The following TMEFF2 variants were observed in gnomAD, a reference collection of about 807,000 sequenced individuals.
TMEFF2 encodes transmembrane protein with EGF like and two follistatin like domains 2.
A neutral mutation model predicts 53.8 loss-of-function variants in TMEFF2; 28 were observed. That is an observed-to-expected ratio of 0.52 (90% CI 0.39 to 0.71). TMEFF2 has a LOEUF of 0.71. Ranked by LOEUF, TMEFF2 falls within the 30% of genes least tolerant of loss-of-function variation. The pLI, the probability that TMEFF2 is intolerant of heterozygous loss-of-function variation, is 0.00. For synonymous variants in TMEFF2, 162 were observed against 166.3 expected, an observed-to-expected ratio of 0.97 and a Z score of 0.20; for missense variants, 353 against 455.2, an observed-to-expected ratio of 0.78 and a Z score of 2.04.
Position 192,077,500 on chromosome 2 carries a change from A to C in TMEFF2, c.440-19725T>G, listed in dbSNP as rs921739955. 1.9e-4 allele frequency among the ~76,000 whole-genome samples: 29 copies of C among 152,180 alleles called. No individual in the cohort carries two copies. The East Asian group carries it at 2.3e-3, about 12-fold the overall frequency. Reference sequence around the variant, plus strand: ...GCCAATTTATTTTTTTTCTTCCTCAAACTTTTAGGTGATCTATTATAATGA... The same window carrying C: ...GCCAATTTATTTTTTTTCTTCCTCACACTTTTAGGTGATCTATTATAATGA... On this transcript the variant is annotated intron_variant, in intron 4 of 9. Transcript: ENST00000272771.
At chr2:192,121,029 C>G (rs1332058438) in intron 4 of TMEFF2, among the ~76,000 whole-genome samples, 1 of 152,068 alleles carries the variant, frequency 6.6e-6, no homozygotes, top group Non-Finnish European at 1.5e-5. Context: ...CCACCACACC[C>G]AGCCTGAACA....
chr2:192,017,729 C>G (rs151120812), intron 5 of TMEFF2, among the ~76,000 whole-genome samples: 6 of 152,156 alleles, frequency 3.9e-5, no homozygotes, highest in Non-Finnish European at 8.8e-5. Context: ...CAGTCTGATA[C>G]GTTCAAATTT....
rs372412462 is a variant in TMEFF2 at position 192,194,477 on chromosome 2, G to A, written c.48C>T (p.Cys16=). 6 of 1,613,964 alleles carry A rather than the reference G, an allele frequency of 3.7e-6. No individual in the cohort carries two copies. The African/African-American group carries it at 6.7e-5, about 18-fold the overall frequency. Reference sequence around the variant, plus strand: ...GCAGCAGCAGCCAGCAAAAGCCCTCGCAAAGTGTCCAGCTGCTGCACTGCC... The same window carrying A: ...GCAGCAGCAGCCAGCAAAAGCCCTCACAAAGTGTCCAGCTGCTGCACTGCC... ...SPRQCSSWTL[C]EGFCWLLLLP... The change falls in exon 1 of 10, where the codon TGC becomes TGT. Residue 16 remains cysteine (C), a synonymous_variant. Transcript: ENST00000272771. This position sits in a 1 kb window ranked among gnomAD's most constrained non-coding sequence, Gnocchi z 4.2.
intron 4 of TMEFF2, among the ~76,000 whole-genome samples, chr2:192,120,605 C>T (rs986763825): frequency 1.3e-5 from 2 of 152,104 alleles, no homozygotes; most frequent in African/African-American, 4.8e-5. Context: ...AAATTGATAA[C>T]GCCAATAAAA....
At chr2:191,969,711 G>T (rs991179353) in intron 7 of TMEFF2, among the ~76,000 whole-genome samples, 17 of 151,588 alleles carry the variant, frequency 1.1e-4, no homozygotes, top group African/African-American at 3.2e-4. Context: ...CTGGAGTACT[G>T]CCATTTGACA....
chr2:192,095,129 G>C (rs1322613950), intron 4 of TMEFF2, among the ~76,000 whole-genome samples: 2 of 152,042 alleles, frequency 1.3e-5, no homozygotes, highest in Non-Finnish European at 2.9e-5. Flanking sequence ...GTGGTTCTTA[G>C]TTATCCACAG....
At chr2:192,103,074 G>C (rs922512075) in intron 4 of TMEFF2, among the ~76,000 whole-genome samples, 3 of 152,042 alleles carry the variant, frequency 2.0e-5, no homozygotes, top group Non-Finnish European at 4.4e-5. Flanking sequence ...ACTTGGAGCT[G>C]GCTGCCCAGA....
chr2:192,036,519 T>C (rs776441794), intron 5 of TMEFF2, among the ~76,000 whole-genome samples: 3 of 152,202 alleles, frequency 2.0e-5, no homozygotes, highest in Non-Finnish European at 4.4e-5. Flanking sequence ...AGAGTGATGA[T>C]TGAATCATAT....
intron 4 of TMEFF2, among the ~76,000 whole-genome samples, chr2:192,104,227 A>T (rs1414334381): frequency 6.6e-6 from 1 of 152,142 alleles, no homozygotes; most frequent in Non-Finnish European, 1.5e-5. Context: ...TTGCTGACAG[A>T]AGTAGCGTTT....
intron 4 of TMEFF2, among the ~76,000 whole-genome samples, chr2:192,175,433 G>T (rs906188045): frequency 2.0e-5 from 3 of 151,326 alleles, no homozygotes; most frequent in Admixed American, 2.0e-4. Context: ...AATTTGTACT[G>T]GAATTTTTTC....
At chr2:192,156,262 A>G (rs911613255) in intron 4 of TMEFF2, among the ~76,000 whole-genome samples, 1 of 152,080 alleles carries the variant, frequency 6.6e-6, no homozygotes, top group African/African-American at 2.4e-5. Flanking sequence ...ACAACAGGTA[A>G]CATTTCATGA....
At chr2:192,183,101 C>T (rs988374081) in intron 3 of TMEFF2, among the ~76,000 whole-genome samples, 1 of 151,958 alleles carries the variant, frequency 6.6e-6, no homozygotes, top group Non-Finnish European at 1.5e-5. Context: ...TCCTGACCAC[C>T]CTTTCATGAA....
rs183672429 is a variant in TMEFF2, at chr2:192,053,166, A to G, written c.536+4513T>C. ...AATAAAAGCATTAAAATGTTATGTCATTAGTATCATAGTTTGTCAATGCCA... is the reference window on the plus strand; with the variant it reads ...AATAAAAGCATTAAAATGTTATGTCGTTAGTATCATAGTTTGTCAATGCCA... On this transcript the variant is annotated intron_variant, in intron 5 of 9. Transcript: ENST00000272771. Among the ~76,000 whole-genome samples the G allele has an allele frequency of 1.9e-4, 29 of 152,314 alleles. No homozygotes were observed. The East Asian group carries it at 4.6e-3, about 24-fold the overall frequency.
chr2:192,064,871 C>T (rs1367459246), intron 4 of TMEFF2, among the ~76,000 whole-genome samples: 2 of 151,834 alleles, frequency 1.3e-5, no homozygotes, highest in Non-Finnish European at 2.9e-5. Context: ...TAGAGCACAG[C>T]CACAGTTGAC....
At chr2:192,069,772 A>T (rs1015585020) in intron 4 of TMEFF2, among the ~76,000 whole-genome samples, 3 of 151,816 alleles carry the variant, frequency 2.0e-5, no homozygotes, top group East Asian at 3.9e-4. Context: ...ATAAATTTTT[A>T]AAAATTAACA....
chr2:192,003,458 C>T (rs1227447628), intron 5 of TMEFF2, among the ~76,000 whole-genome samples: 2 of 152,196 alleles, frequency 1.3e-5, no homozygotes, highest in Non-Finnish European at 2.9e-5. Context: ...TATGTCTACT[C>T]TTGGAATATG....
Position 191,953,837 on chromosome 2 carries a change from C to G in TMEFF2, c.870G>C (p.Arg290Ser). The change falls in exon 9 of 10, where the codon AGG (arginine) becomes AGC (serine). Residue 290 changes from arginine (R) to serine (S), a missense_variant and splice_region_variant. Arg to Ser is a moderately radical substitution (Grantham distance 110, BLOSUM62 -1). This residue lies in a region of TMEFF2 where 294 missense variants were observed against 397.3 expected (regional missense o/e 0.74). Transcript: ENST00000272771. The stretch of plus-strand genomic sequence containing the variant: ...GTTGTCCAGTATAACCAGCATCACA[C>G]CTGGAAGAAATTATAGTGCCCAGTT... Reference protein sequence around the residue: ...HSINMQEPSCRCDAGYTGQHC... With the variant: ...HSINMQEPSCSCDAGYTGQHC... 2 of 1,599,016 alleles carry G rather than the reference C, an allele frequency of 1.3e-6. No individual in the cohort carries two copies. Among genetic ancestry groups the G allele is most frequent in the Non-Finnish European group, 1.7e-6 (2 of 1,171,044 alleles).
At chr2:192,059,656 G>A (rs1312113385) in intron 4 of TMEFF2, among the ~76,000 whole-genome samples, 1 of 152,152 alleles carries the variant, frequency 6.6e-6, no homozygotes, top group Non-Finnish European at 1.5e-5. Context: ...TTTGGTAAGG[G>A]ATTGACTGGA....
chr2:192,006,464 C>G (rs766984699), intron 5 of TMEFF2, among the ~76,000 whole-genome samples: 6 of 152,066 alleles, frequency 3.9e-5, no homozygotes, highest in Non-Finnish European at 8.8e-5. Context: ...GAAATAATGT[C>G]TAATTATAAT....
Sources: allele counts gnomAD v4.1 joint callset (sites outside exome capture counted in the v4.1 genomes callset), GRCh38; gene constraint gnomAD v4.1.1; regional missense constraint gnomAD v4.1.1; non-coding constraint Gnocchi (gnomAD v3.1); transcripts MANE v1.5; gene names NCBI Gene and HGNC (gene_info 2026-07-23, HGNC 2026-07-21).